ABTB3: variants seen among roughly 807,000 people sequenced by gnomAD.
The protein encoded by ABTB3 is ankyrin repeat- and BTB/POZ domain-containing protein 3.
chr12:107,422,896 G>A, the ABTB3 span, among the ~76,000 whole-genome samples: 1 of 152,276 alleles, frequency 6.6e-6, no homozygotes, highest in South Asian at 2.1e-4. Flanking sequence ...TTTCTCACAT[G>A]TAGCCCCCAG....
chr12:107,440,629 C>T, the ABTB3 span, among the ~76,000 whole-genome samples: 1 of 152,178 alleles, frequency 6.6e-6, no homozygotes, highest in Non-Finnish European at 1.5e-5. Flanking sequence ...AGACCTGGAA[C>T]CGAGCCTGTG....
At chr12:107,564,690 G>A in the ABTB3 span, among the ~76,000 whole-genome samples, 1 of 152,200 alleles carries the variant, frequency 6.6e-6, no homozygotes, top group African/African-American at 2.4e-5. Flanking sequence ...CCTGTCCTGG[G>A]TATTAAAGAA....
At chr12:107,544,275 C>T in the ABTB3 span, 6 of 916,528 alleles carry the variant, frequency 6.5e-6, no homozygotes, top group Non-Finnish European at 9.8e-6. Flanking sequence ...CGGTGGGAAC[C>T]TTGCACCCTG....
chr12:107,451,399 A>G, the ABTB3 span, among the ~76,000 whole-genome samples: 1 of 152,204 alleles, frequency 6.6e-6, no homozygotes, highest in Non-Finnish European at 1.5e-5. Context: ...GTTACGCAGT[A>G]CTGAGCCCTC....
chr12:107,618,134 C>G, the ABTB3 span: 5 of 1,606,960 alleles, frequency 3.1e-6, no homozygotes, highest in Admixed American at 1.7e-5. Flanking sequence ...TGAGTGTCAT[C>G]CTCTCTGGGT....
the ABTB3 span, among the ~76,000 whole-genome samples, chr12:107,538,229 G>C: frequency 1.3e-5 from 2 of 152,256 alleles, no homozygotes; most frequent in South Asian, 4.1e-4. Context: ...TGGTGTGGGG[G>C]AGAGCCAGAT....
At chr12:107,530,683 C>T in the ABTB3 span, among the ~76,000 whole-genome samples, 1 of 152,260 alleles carries the variant, frequency 6.6e-6, no homozygotes, top group East Asian at 1.9e-4. Context: ...TCATCTTTAA[C>T]GGCTGCAAAA....
At chr12:107,418,681 TA>T in the ABTB3 span, among the ~76,000 whole-genome samples, 5 of 152,212 alleles carry the variant, frequency 3.3e-5, no homozygotes, top group African/African-American at 1.2e-4. Context: ...GTTGGTCTGA[TA>T]GAGAGCTGGC....
chr12:107,654,815 TACACACACACACACACAC>T, the ABTB3 span, among the ~76,000 whole-genome samples: 15 of 141,296 alleles, frequency 1.1e-4, no homozygotes, highest in African/African-American at 3.0e-4. Context: ...CTACATTGTA[TACACACACACACACACAC>T]ACACACACAC....
the ABTB3 span, among the ~76,000 whole-genome samples, chr12:107,412,972 A>C: frequency 3.3e-5 from 5 of 152,054 alleles, 1 homozygote; most frequent in Admixed American, 3.3e-4. Flanking sequence ...AAAATCTCCA[A>C]CTGATTTTAA....
the ABTB3 span, among the ~76,000 whole-genome samples, chr12:107,582,235 A>C: frequency 1.3e-5 from 2 of 152,154 alleles, no homozygotes; most frequent in African/African-American, 2.4e-5. Flanking sequence ...CATTTATTGG[A>C]TGTTTACCAC....
the ABTB3 span, among the ~76,000 whole-genome samples, chr12:107,436,022 A>T: frequency 7.9e-5 from 12 of 152,360 alleles, no homozygotes; most frequent in African/African-American, 2.4e-4. Context: ...TGCACACTGC[A>T]GCTATACACC....
At chr12:107,631,110 C>T in the ABTB3 span, among the ~76,000 whole-genome samples, 3 of 152,142 alleles carry the variant, frequency 2.0e-5, no homozygotes, top group African/African-American at 7.2e-5. Flanking sequence ...CTCTCTCCTA[C>T]CTCTTTTGGA....
At chr12:107,569,494 AC>A in the ABTB3 span, among the ~76,000 whole-genome samples, 1 of 152,348 alleles carries the variant, frequency 6.6e-6, no homozygotes, top group South Asian at 2.1e-4. Flanking sequence ...CTTTAAGTGA[AC>A]AAAAACAATT....
At chr12:107,582,263 A>T in the ABTB3 span, among the ~76,000 whole-genome samples, 1 of 152,214 alleles carries the variant, frequency 6.6e-6, no homozygotes, top group Non-Finnish European at 1.5e-5. Flanking sequence ...GCACTGTTCT[A>T]AGTGCTTTAC....
At chr12:107,509,656 A>T in the ABTB3 span, among the ~76,000 whole-genome samples, 2 of 152,232 alleles carry the variant, frequency 1.3e-5, no homozygotes, top group African/African-American at 4.8e-5. Flanking sequence ...AAAGGAGCTC[A>T]TCACTGGGGC....
the ABTB3 span, among the ~76,000 whole-genome samples, chr12:107,368,164 A>C: frequency 1.8e-4 from 27 of 152,188 alleles, no homozygotes; most frequent in African/African-American, 6.3e-4. Context: ...GCTCCACTAC[A>C]TATCCATCCC....
chr12:107,344,813 A>C, the ABTB3 span, among the ~76,000 whole-genome samples: 2 of 152,350 alleles, frequency 1.3e-5, no homozygotes, highest in East Asian at 3.9e-4. Context: ...TTTGAGCTTT[A>C]ACACAGACTT....
the ABTB3 span, among the ~76,000 whole-genome samples, chr12:107,593,348 T>C: frequency 0.11 from 16,510 of 152,220 alleles, 1,039 homozygotes; most frequent in African/African-American, 0.15. Context: ...GGACCCATCA[T>C]GGAGCATCTT....
Sources: gnomAD v4.1 joint callset for allele counts (sites outside exome capture counted in the v4.1 genomes callset) on GRCh38, gnomAD v4.1.1 for gene constraint, MANE v1.5 for transcripts, NCBI Gene and HGNC (gene_info 2026-07-23, HGNC 2026-07-21) for gene names.